The following PALM2AKAP2 variants were observed in gnomAD, a reference collection of about 807,000 sequenced individuals.
PALM2AKAP2 encodes the protein PALM2 and AKAP2 fusion.
A neutral mutation model predicts 71.5 loss-of-function variants in PALM2AKAP2; 37 were observed. The ratio of observed to expected loss-of-function variants is 0.52; its 90% CI spans 0.40 to 0.68. PALM2AKAP2 has a LOEUF of 0.68. PALM2AKAP2 is among the 30% of genes least tolerant of loss of function. The pLI, the probability that PALM2AKAP2 is intolerant of heterozygous loss-of-function variation, is 0.00. For missense variants in PALM2AKAP2, 1,224 were observed against 1,191.8 expected (o/e 1.03, Z -0.40); for synonymous variants, 468 against 478.8 (o/e 0.98, Z 0.29).
At chr9:109,893,647 C>T (rs948277214) in intron 3 of PALM2AKAP2, among the ~76,000 whole-genome samples, 4 of 152,118 alleles carry the variant, frequency 2.6e-5, no homozygotes, top group East Asian at 3.8e-4. Context: ...GGGGTTTCAC[C>T]GTGTTGGCCA....
chr9:109,703,554 T>G (rs998863226), intron 1 of PALM2AKAP2, among the ~76,000 whole-genome samples: 1 of 152,178 alleles, frequency 6.6e-6, no homozygotes, highest in Non-Finnish European at 1.5e-5. Flanking sequence ...CAAAATAGCT[T>G]CTTTATTCAA....
At chr9:109,875,084 T>C (rs1829690682) in intron 2 of PALM2AKAP2, among the ~76,000 whole-genome samples, 1 of 152,162 alleles carries the variant, frequency 6.6e-6, no homozygotes, top group Admixed American at 6.5e-5. Flanking sequence ...TGCCTTCTTC[T>C]CCATCTTCAG....
rs1003283299 is a variant in PALM2AKAP2, at chr9:109,689,207, T to C, written c.5+48341T>C. On this transcript the variant is annotated intron_variant, in intron 1 of 6. Coordinates refer to the PALM2AKAP2 transcript ENST00000374531. ...TACCTTCTTTTTTCTTTTCTTTTTT[T>C]TTTTTTTTTTTTTTAGATGGAGTCT... Among the ~76,000 whole-genome samples the C allele has an allele frequency of 4.9e-3, 480 of 97,596 alleles. 3 individuals carry two copies. Among genetic ancestry groups the C allele is most frequent in the Non-Finnish European group, 7.7e-3 (346 of 45,024 alleles). 64.0% of individuals were successfully genotyped at this position (97,596 alleles called of 152,430 possible). A position where few individuals can be genotyped will look rare whatever the true frequency, so the allele number is the denominator to read the frequency against.
At chr9:109,846,812 T>G (rs148655215) in intron 1 of PALM2AKAP2, among the ~76,000 whole-genome samples, 6 of 152,366 alleles carry the variant, frequency 3.9e-5, no homozygotes, top group African/African-American at 1.2e-4. Context: ...TTCTTTGCCT[T>G]CCTTCTTTAG....
At chr9:109,654,777 G>A (rs553562608) in intron 1 of PALM2AKAP2, among the ~76,000 whole-genome samples, 20 of 151,626 alleles carry the variant, frequency 1.3e-4, no homozygotes, top group East Asian at 9.7e-4. Context: ...GTGTGTGTGT[G>A]TATATGTATT....
At position 109,905,158 on chromosome 9, in the gene PALM2AKAP2, G is replaced by A. The variant is rs189233106; in HGVS notation, c.258-18577G>A. Among the ~76,000 whole-genome samples, 6 of 152,334 alleles carry A rather than the reference G, an allele frequency of 3.9e-5. No homozygotes were observed. The East Asian group carries it at 1.2e-3, about 29-fold the overall frequency. ...GGGCTGTTAAGTCTATAGGGATAAA[G>A]TTCACCAAAGAATATTTTAAACTTT... On this transcript the variant is annotated intron_variant, in intron 3 of 9. Transcript: ENST00000302798.
At chr9:109,649,773 C>T (rs1827201073) in intron 1 of PALM2AKAP2, among the ~76,000 whole-genome samples, 1 of 152,152 alleles carries the variant, frequency 6.6e-6, no homozygotes, top group African/African-American at 2.4e-5. Context: ...TTGGGGGAGA[C>T]ATTAGCTTTG....
intron 1 of PALM2AKAP2, among the ~76,000 whole-genome samples, chr9:109,739,463 A>G (rs1444597891): frequency 6.6e-6 from 1 of 152,226 alleles, no homozygotes; most frequent in African/African-American, 2.4e-5. Flanking sequence ...CTTGGTATAT[A>G]GGTGTATAGA....
intron 1 of PALM2AKAP2, among the ~76,000 whole-genome samples, chr9:109,823,894 C>T (rs916788225): frequency 1.3e-5 from 2 of 152,098 alleles, no homozygotes; most frequent in African/African-American, 2.4e-5. Context: ...CTTTGAACCA[C>T]ACTTTATTTT....
At chr9:110,124,115 T>C (rs1036764338) in intron 1 of PALM2AKAP2, among the ~76,000 whole-genome samples, 3 of 152,242 alleles carry the variant, frequency 2.0e-5, no homozygotes, top group African/African-American at 7.2e-5. Context: ...GTTTAGATGC[T>C]GTAAATAGTT....
At chr9:110,157,394 T>TTGA (rs1255259912) in intron 3 of PALM2AKAP2, among the ~76,000 whole-genome samples, 5 of 151,240 alleles carry the variant, frequency 3.3e-5, no homozygotes, top group African/African-American at 1.2e-4. Flanking sequence ...AACTCTTTTG[T>TTGA]TGTTGTTGTT....
Position 109,685,008 on chromosome 9 carries a change from A to T in PALM2AKAP2, c.5+44142A>T, listed in dbSNP as rs535859883. On this transcript the variant is annotated intron_variant, in intron 1 of 6. Transcript: ENST00000374531. ...TACTGATACACACAAAACATGAATG[A>T]ATCTTAAAGGATTATACTAAGTAGA... Among the ~76,000 whole-genome samples the T allele has an allele frequency of 2.6e-5, 4 of 152,322 alleles. No individual in the cohort carries two copies. The East Asian group carries it at 7.7e-4, about 29-fold the overall frequency.
intron 1 of PALM2AKAP2, among the ~76,000 whole-genome samples, chr9:109,839,248 C>T (rs1430384916): frequency 7.2e-5 from 11 of 152,218 alleles, no homozygotes; most frequent in Middle Eastern, 6.8e-3. Context: ...AATCAATAAA[C>T]GTAATCCAGC....
At chr9:109,968,736 C>T (rs530170581) in intron 6 of PALM2AKAP2, among the ~76,000 whole-genome samples, 73 of 152,156 alleles carry the variant, frequency 4.8e-4, no homozygotes, top group African/African-American at 1.3e-3. Flanking sequence ...AGTCCAGCCG[C>T]GATTTTCAGC....
chr9:109,669,465 G>T (rs1182197582), intron 1 of PALM2AKAP2, among the ~76,000 whole-genome samples: 1 of 151,912 alleles, frequency 6.6e-6, no homozygotes, highest in Non-Finnish European at 1.5e-5. Flanking sequence ...CATAAAACTA[G>T]CTGGAATGGG....
At chr9:109,746,368 T>C (rs943511103) in intron 1 of PALM2AKAP2, among the ~76,000 whole-genome samples, 4 of 152,214 alleles carry the variant, frequency 2.6e-5, no homozygotes, top group Admixed American at 6.5e-5. Context: ...GGGGAATGTC[T>C]TTCCCATTAA....
chr9:109,658,081 C>T (rs1311022203), intron 1 of PALM2AKAP2, among the ~76,000 whole-genome samples: 1 of 151,828 alleles, frequency 6.6e-6, no homozygotes, highest in African/African-American at 2.4e-5. Flanking sequence ...AAATAGGGAA[C>T]CCTTGTTTGG....
At chr9:110,142,340 G>A (rs1225989602) in intron 2 of PALM2AKAP2, among the ~76,000 whole-genome samples, 2 of 152,160 alleles carry the variant, frequency 1.3e-5, no homozygotes, top group Middle Eastern at 3.4e-3. Context: ...TGATCCGCCC[G>A]CCTTGGCCTC....
chr9:110,110,163 A>G (rs562734042), intron 1 of PALM2AKAP2, among the ~76,000 whole-genome samples: 1 of 152,378 alleles, frequency 6.6e-6, no homozygotes, highest in South Asian at 2.1e-4. Flanking sequence ...TCCACAAAGC[A>G]TATGTATTTC....
Sources: allele counts gnomAD v4.1 joint callset (sites outside exome capture counted in the v4.1 genomes callset), GRCh38; gene constraint gnomAD v4.1.1; transcripts MANE v1.5; gene names NCBI Gene and HGNC (gene_info 2026-07-23, HGNC 2026-07-21).